HECW1: variants seen among roughly 807,000 people sequenced by gnomAD.
HECW1 encodes the protein HECT, C2 and WW domain containing E3 ubiquitin protein ligase 1.
HECW1 carries 61 observed loss-of-function variants against 182.3 expected under a neutral mutation model. The observed-to-expected ratio is 0.33, with a 90% confidence interval of 0.27 to 0.41. HECW1 has a LOEUF of 0.41. Ranked by LOEUF, HECW1 falls within the 10% of genes least tolerant of loss-of-function variation. HECW1 has a pLI of 1.00. For missense variants in HECW1, 1,739 were observed against 2,108.9 expected (o/e 0.82, Z 3.44); for synonymous variants, 859 against 832.6 (o/e 1.03, Z -0.55).
chr7:43,117,012 T>C (rs1785105522), intron 2 of HECW1, among the ~76,000 whole-genome samples: 1 of 152,252 alleles, frequency 6.6e-6, no homozygotes, highest in African/African-American at 2.4e-5. Flanking sequence ...TGTGGTTATC[T>C]GATAACTACT....
At chr7:43,194,377 AT>A (rs1794226592) in intron 2 of HECW1, 2 of 152,168 alleles carry the variant, frequency 1.3e-5, no homozygotes, top group Admixed American at 1.3e-4. Context: ...ATGCTCGTTC[AT>A]TCTCTGATCA....
intron 9 of HECW1, 64 bp downstream of exon 9, chr7:43,438,209 G>T: frequency 1.4e-6 from 2 of 1,444,346 alleles, no homozygotes; most frequent in Non-Finnish European, 1.9e-6. Flanking sequence ...CCCAAAGGTG[G>T]CCTGTAGGCT....
At chr7:43,412,778 T>C (rs2075851476) in intron 8 of HECW1, among the ~76,000 whole-genome samples, 1 of 151,656 alleles carries the variant, frequency 6.6e-6, no homozygotes, top group African/African-American at 2.4e-5. Context: ...ACAAAGGACA[T>C]GAACTCATCA....
chr7:43,340,414 G>T (rs558305158), intron 5 of HECW1, among the ~76,000 whole-genome samples: 1 of 150,652 alleles, frequency 6.6e-6, no homozygotes, highest in Non-Finnish European at 1.5e-5. Flanking sequence ...AGAGACGGGG[G>T]TTCACCATAT....
chr7:43,209,694 T>C (rs921207868), intron 2 of HECW1, among the ~76,000 whole-genome samples: 3 of 152,180 alleles, frequency 2.0e-5, no homozygotes, highest in Admixed American at 1.3e-4. Flanking sequence ...TATCAATGTC[T>C]TTCCACAAGT....
At chr7:43,456,843 A>G (rs549115615) in intron 13 of HECW1, among the ~76,000 whole-genome samples, 2 of 152,354 alleles carry the variant, frequency 1.3e-5, no homozygotes, top group South Asian at 4.1e-4. Context: ...CACACCCATC[A>G]TACAGTTCTC....
At chr7:43,321,545 C>T (rs1810114586) in intron 5 of HECW1, among the ~76,000 whole-genome samples, 1 of 152,172 alleles carries the variant, frequency 6.6e-6, no homozygotes, top group African/African-American at 2.4e-5. Flanking sequence ...AGCTCCTTCT[C>T]CTCCACTTGG....
chr7:43,479,736 G>T lies in HECW1; in HGVS notation c.3226G>T (p.Ala1076Ser). Residue 1076 changes from alanine (A) to serine (S), a missense_variant, in exon 17 of 30, where the codon GCT becomes TCT. Physicochemically the swap from Ala to Ser is moderately conservative, Grantham distance 99. Transcript: ENST00000395891. ...CCTCCAGAGGCTCCGAAGTTACAGC[G>T]CTGGAGAGGTAACCCTCCCTACACC... ...QHLQRLRSYS[A>S]GEASEVSRNR... 1 of 1,613,904 alleles carries T rather than the reference G, an allele frequency of 6.2e-7. No homozygotes were observed. Among genetic ancestry groups the T allele is most frequent in the Non-Finnish European group, 8.5e-7 (1 of 1,179,930 alleles).
intron 4 of HECW1, among the ~76,000 whole-genome samples, chr7:43,319,160 G>A (rs1809709033): frequency 6.6e-6 from 1 of 151,980 alleles, no homozygotes; most frequent in Non-Finnish European, 1.5e-5. Flanking sequence ...GGCCGAGGCG[G>A]GTGGATCATG....
intron 2 of HECW1, among the ~76,000 whole-genome samples, chr7:43,209,344 C>T (rs1046114714): frequency 6.6e-6 from 1 of 152,210 alleles, no homozygotes; most frequent in Non-Finnish European, 1.5e-5. Flanking sequence ...CAAGTGTCCT[C>T]AGCCAGGGCC....
At chr7:43,224,410 G>A (rs1797243454) in intron 2 of HECW1, among the ~76,000 whole-genome samples, 1 of 152,214 alleles carries the variant, frequency 6.6e-6, no homozygotes, top group African/African-American at 2.4e-5. Context: ...TGGGAGCCCA[G>A]GGGGACACTC....
At chr7:43,284,346 T>A (rs539699201) in intron 3 of HECW1, among the ~76,000 whole-genome samples, 1 of 152,182 alleles carries the variant, frequency 6.6e-6, no homozygotes, top group Non-Finnish European at 1.5e-5. Flanking sequence ...ACACTTCTTA[T>A]TTTTTTGTGG....
intron 2 of HECW1, among the ~76,000 whole-genome samples, chr7:43,168,570 G>A (rs546060644): frequency 6.6e-6 from 1 of 152,120 alleles, no homozygotes; most frequent in East Asian, 1.9e-4. Context: ...TGAGGTGGAG[G>A]GATCACTTGA....
At chr7:43,396,984 G>A in intron 7 of HECW1, 95 bp downstream of exon 7, 1 of 898,080 alleles carries the variant, frequency 1.1e-6, no homozygotes, top group Admixed American at 1.8e-5. Flanking sequence ...CTACAAGTCA[G>A]TCAACCTCTC....
chr7:43,205,977 C>T (rs1308295340), intron 2 of HECW1, among the ~76,000 whole-genome samples: 5 of 152,162 alleles, frequency 3.3e-5, no homozygotes, highest in Non-Finnish European at 7.4e-5. Flanking sequence ...CCCTCCCCAT[C>T]CAGGACACCC....
chr7:43,210,275 G>A (rs1795888788), intron 2 of HECW1, among the ~76,000 whole-genome samples: 1 of 152,070 alleles, frequency 6.6e-6, no homozygotes, highest in Non-Finnish European at 1.5e-5. Context: ...TTATTGTGGA[G>A]ATAGGTCATT....
chr7:43,408,331 A>T (rs901779868), intron 8 of HECW1, among the ~76,000 whole-genome samples: 3 of 151,924 alleles, frequency 2.0e-5, no homozygotes, highest in East Asian at 1.9e-4. Flanking sequence ...GCCCTTCTCC[A>T]CTCCTGAAAG....
intron 6 of HECW1, among the ~76,000 whole-genome samples, chr7:43,373,444 C>T (rs1014988950): frequency 6.6e-6 from 1 of 152,070 alleles, no homozygotes; most frequent in African/African-American, 2.4e-5. Flanking sequence ...AGGCATGAGC[C>T]ACCATGCCCG....
intron 24 of HECW1, chr7:43,511,672 T>G (rs1010831660): frequency 6.4e-6 from 1 of 155,246 alleles, no homozygotes; most frequent in African/African-American, 2.4e-5. Context: ...TGGGACATCT[T>G]AACAAAACCA....
Sources: gnomAD v4.1 joint callset for allele counts (sites outside exome capture counted in the v4.1 genomes callset) on GRCh38, gnomAD v4.1.1 for gene constraint, MANE v1.5 for transcripts, NCBI Gene and HGNC (gene_info 2026-07-23, HGNC 2026-07-21) for gene names.